The following ZNF831 variants were observed in gnomAD, a reference collection of about 807,000 sequenced individuals.
ZNF831 encodes zinc finger protein 831, also known as chromosome 20 open reading frame 174.
A neutral mutation model predicts 95.8 loss-of-function variants in ZNF831; 59 were observed. The observed-to-expected ratio is 0.62, with a 90% CI of 0.50 to 0.77. The LOEUF is 0.77. Ranked by LOEUF, ZNF831 falls within the 30% of genes least tolerant of loss-of-function variation. The probability of loss-of-function intolerance (pLI) is 0.00; values close to 1 mark genes in which losing one functional copy is unlikely to be tolerated. For synonymous variants in ZNF831, 961 were observed against 925.5 expected (o/e 1.04, Z -0.70); for missense variants, 2,205 against 2,164.0 (o/e 1.02, Z -0.38).
chr20:59,226,899 A>G (rs901855199), intron 4 of ZNF831, among the ~76,000 whole-genome samples: 3 of 152,134 alleles, frequency 2.0e-5, no homozygotes, highest in Admixed American at 1.3e-4. Context: ...GTACAATGTC[A>G]TAATAGAAAT....
At position 59,254,186 on chromosome 20, in the gene ZNF831, G is replaced by A. The variant is rs371681139; in HGVS notation, c.4477G>A (p.Val1493Ile). The stretch of plus-strand genomic sequence containing the variant: ...TGACATTGCTACCTCTGTGGCTGCC[G>A]TTTGTATTTCTCTGCCAGTGAGAAC... ...HHDIATSVAA[V>I]CISLPVRTDH... The change falls in exon 6 of 6, where the codon GTT (valine) becomes ATT (isoleucine). Residue 1493 changes from valine (V) to isoleucine (I), a missense_variant. Val to Ile is a conservative substitution (Grantham distance 29). Transcript: ENST00000371030. The surrounding 1 kb of genome is among the most constrained non-coding windows in gnomAD (Gnocchi z 4.5). The A allele has an allele frequency of 4.7e-5, 76 of 1,613,948 alleles. No individual in the cohort carries two copies. The highest frequency in any genetic ancestry group is 4.7e-4 in the East Asian group (21 of 44,882).
chr20:59,174,791 C>T (rs893048247), intron 1 of ZNF831, among the ~76,000 whole-genome samples: 7 of 152,110 alleles, frequency 4.6e-5, no homozygotes, highest in African/African-American at 1.7e-4. Context: ...AAGAAAAACT[C>T]AAAAGGGAAT....
rs2146583461 is a variant in ZNF831, at chr20:59,193,446, C to T, written c.2427C>T (p.Pro809=). 6.2e-7 allele frequency: 1 copy of T among 1,604,884 alleles called. No individual in the cohort carries two copies. The highest frequency in any genetic ancestry group is 8.5e-7 in the Non-Finnish European group (1 of 1,175,838). ...CLWAQTVLRW[P]SRGSGEDKLP... is the part of the protein sequence containing the mutation. Reference sequence around the variant, plus strand: ...GGGCCCAGACTGTCCTGAGATGGCCCAGCAGGGGCTCAGGGGAGGACAAGC... The same window carrying T: ...GGGCCCAGACTGTCCTGAGATGGCCTAGCAGGGGCTCAGGGGAGGACAAGC... Residue 809 remains proline (P), a synonymous_variant, in exon 2 of 6, where the codon CCC becomes CCT. Coordinates refer to ENST00000371030, the MANE Select transcript of ZNF831 (RefSeq NM_178457.3).
intron 2 of ZNF831, among the ~76,000 whole-genome samples, chr20:59,156,451 A>G (rs553305882): frequency 3.8e-4 from 58 of 152,254 alleles, no homozygotes; most frequent in Non-Finnish European, 7.4e-4. Flanking sequence ...GCTTGAACCC[A>G]GGAGGTGGAG....
At position 59,253,953 on chromosome 20, in the gene ZNF831, C is replaced by G. The variant is rs2146761674; in HGVS notation, c.4244C>G (p.Ala1415Gly). 1 of 1,579,884 alleles carries G rather than the reference C, an allele frequency of 6.3e-7. No homozygotes were observed. Among genetic ancestry groups the G allele is most frequent in the Non-Finnish European group, 8.6e-7 (1 of 1,162,312 alleles). Residue 1415 changes from alanine to glycine, a missense_variant, in exon 6 of 6, where the codon GCC becomes GGC. Ala to Gly is a moderately conservative substitution (Grantham distance 60). Transcript: ENST00000371030. ...GACTGTACTACTCACAGCACTGCTG[C>G]CACATCAGGATTATCTCTGCAATCT... Reference protein sequence around the residue: ...HGDCTTHSTAATSGLSLQSDT... With the variant: ...HGDCTTHSTAGTSGLSLQSDT...
In ZNF831 at chr20:59,123,684, G is replaced by A. The variant is rs577972043; in HGVS notation, c.-1425+179G>A. On this transcript the variant is annotated intron_variant, in intron 1 of 7. Transcript: ENST00000637017. ...CAAGGAGGAAGAAAGCTCAAGGAGA[G>A]CGATGTGGAGGTGACTCGATGACAG... Among the ~76,000 whole-genome samples, 18 of 128,640 alleles carry A rather than the reference G, an allele frequency of 1.4e-4. No individual in the cohort carries two copies. In the South Asian group the frequency reaches 4.1e-3, roughly 29 times the overall value. 84.4% of individuals were successfully genotyped at this position (128,640 alleles called of 152,430 possible). A position where few individuals can be genotyped will look rare whatever the true frequency, so the allele number is the denominator to read the frequency against.
At chr20:59,228,200 C>T (rs768822430) in intron 4 of ZNF831, among the ~76,000 whole-genome samples, 7 of 152,098 alleles carry the variant, frequency 4.6e-5, no homozygotes, top group South Asian at 2.1e-4. Context: ...CTCAGTGTCT[C>T]GTGGCAACAT....
chr20:59,197,249 C>T (rs1324146616), intron 3 of ZNF831, among the ~76,000 whole-genome samples: 2 of 152,194 alleles, frequency 1.3e-5, no homozygotes, highest in Non-Finnish European at 2.9e-5. Context: ...GTGTCCAGAG[C>T]TAACATTATG....
rs192287407 is a variant in ZNF831, at chr20:59,181,148, T to C, written c.-36-9836T>C. Reference sequence around the variant, plus strand: ...CAGTGATGATGATCTTTTTTTCATATGTTTGTTGGCCGCATAAATTGTTTT... The same window carrying C: ...CAGTGATGATGATCTTTTTTTCATACGTTTGTTGGCCGCATAAATTGTTTT... On this transcript the variant is annotated intron_variant, in intron 1 of 5. Coordinates refer to ENST00000371030, the MANE Select transcript of ZNF831 (RefSeq NM_178457.3). Among the ~76,000 whole-genome samples, 929 of 152,376 alleles carry C rather than the reference T, an allele frequency of 6.1e-3. 34 individuals carry two copies. Among genetic ancestry groups the C allele is most frequent in the Admixed American group, 0.054 (821 of 15,296 alleles).
intron 3 of ZNF831, among the ~76,000 whole-genome samples, chr20:59,200,027 T>C (rs943592776): frequency 1.3e-5 from 2 of 152,226 alleles, no homozygotes; most frequent in Admixed American, 6.5e-5. Context: ...AAAGCTACCA[T>C]TGCACTATCT....
chr20:59,150,104 A>G (rs911103530), intron 2 of ZNF831, among the ~76,000 whole-genome samples: 1 of 152,192 alleles, frequency 6.6e-6, no homozygotes, highest in Non-Finnish European at 1.5e-5. Flanking sequence ...AATGGTAACC[A>G]CCAGGCTCCT....
chr20:59,207,125 G>A, intron 4 of ZNF831, 69 bp downstream of exon 4: 1 of 1,562,360 alleles, frequency 6.4e-7, no homozygotes, highest in Non-Finnish European at 8.7e-7. Context: ...ATAGACACTG[G>A]GGATTTGGGA....
At chr20:59,167,541 T>A (rs982581883) in intron 1 of ZNF831, among the ~76,000 whole-genome samples, 6 of 152,166 alleles carry the variant, frequency 3.9e-5, no homozygotes, top group African/African-American at 1.4e-4. Flanking sequence ...GTCCTAAAGA[T>A]TTTCTCCTGT....
chr20:59,155,105 C>G (rs2146462843), intron 2 of ZNF831, among the ~76,000 whole-genome samples: 1 of 152,268 alleles, frequency 6.6e-6, no homozygotes, highest in East Asian at 1.9e-4. Flanking sequence ...AATACAGTTT[C>G]CCTGACACCT....
chr20:59,233,222 A>G (rs1488346241), intron 4 of ZNF831, among the ~76,000 whole-genome samples: 2 of 151,996 alleles, frequency 1.3e-5, no homozygotes, highest in African/African-American at 4.8e-5. Context: ...TGTTTTTACA[A>G]CCCAGAGGCT....
intron 1 of ZNF831, chr20:59,146,196 C>T (rs1047786554): frequency 2.6e-5 from 4 of 151,940 alleles, no homozygotes; most frequent in Non-Finnish European, 5.9e-5. Context: ...CCACCACCCT[C>T]CACACACACA....
At chr20:59,253,869 C>CGGG in intron 5 of ZNF831, 29 bp from the exon 6 acceptor site, 3 of 1,067,570 alleles carry the variant, frequency 2.8e-6, no homozygotes, top group Non-Finnish European at 2.5e-6. Flanking sequence ...TCCCCCCCCA[C>CGGG]TTTTTTTTTC....
At chr20:59,132,851 C>G (rs1053567265) in intron 1 of ZNF831, among the ~76,000 whole-genome samples, 2 of 152,270 alleles carry the variant, frequency 1.3e-5, no homozygotes, top group Non-Finnish European at 2.9e-5. Flanking sequence ...CAAGAGCCAG[C>G]TGGGCTGAGG....
At chr20:59,209,916 C>T (rs1985174774) in intron 4 of ZNF831, among the ~76,000 whole-genome samples, 1 of 152,168 alleles carries the variant, frequency 6.6e-6, no homozygotes, top group Non-Finnish European at 1.5e-5. Flanking sequence ...ATTTAGGAGC[C>T]TCACTAAACG....
Sources: allele counts gnomAD v4.1 joint callset (sites outside exome capture counted in the v4.1 genomes callset), GRCh38; gene constraint gnomAD v4.1.1; non-coding constraint Gnocchi (gnomAD v3.1); transcripts MANE v1.5; gene names NCBI Gene and HGNC (gene_info 2026-07-23, HGNC 2026-07-21).